The following HFM1 variants were observed in gnomAD, a reference collection of about 807,000 sequenced individuals.
HFM1 encodes the protein helicase for meiosis 1, also known as probable ATP-dependent DNA helicase HFM1.
In HFM1, 169 loss-of-function variants were observed where a neutral mutation model predicts 192.1. That is an observed-to-expected ratio of 0.88 (90% confidence interval 0.78 to 1.00). The LOEUF is 1.00. Among genes scored for constraint, HFM1 ranks in the 50% least tolerant of loss-of-function variants. HFM1 has a pLI of 0.00. For missense variants in HFM1, 1,661 were observed against 1,668.0 expected, an observed-to-expected ratio of 1.00 and a Z score of 0.07; for synonymous variants, 525 against 537.8, an observed-to-expected ratio of 0.98 and a Z score of 0.33.
At chr1:91,308,274 C>T (rs1169886339) in intron 30 of HFM1, among the ~76,000 whole-genome samples, 2 of 151,978 alleles carry the variant, frequency 1.3e-5, no homozygotes, top group African/African-American at 4.8e-5. Flanking sequence ...TGTGTTCTTT[C>T]CATTCTCTTA....
chr1:91,297,757 A>G (rs1187653088), intron 30 of HFM1, among the ~76,000 whole-genome samples: 1 of 152,226 alleles, frequency 6.6e-6, no homozygotes, highest in Non-Finnish European at 1.5e-5. Context: ...AAACTAACAA[A>G]CAGAAAGGAC....
chr1:91,319,524 G>A, intron 23 of HFM1, 134 bp from the exon 24 acceptor site: 1 of 549,274 alleles, frequency 1.8e-6, no homozygotes, highest in Non-Finnish European at 3.2e-6. Context: ...TGATTATCTT[G>A]CATAATTATT....
At position 91,276,735 on chromosome 1, in the gene HFM1, CA is replaced by C. The variant is rs1354314510; in HGVS notation, c.3480del (p.Ile1160MetfsTer21). ...KHTCGHDCCK[I>X]GVAQKSEIKE... ...TTAATTTCTGACTTCTGTGCAACTCCAATTTTACCTATGAAAAGAAACTTCA... is the reference window on the plus strand; with the variant it reads ...TTAATTTCTGACTTCTGTGCAACTCCATTTTACCTATGAAAAGAAACTTCA... On this transcript the variant is annotated frameshift_variant, in exon 32 of 39. Transcript: ENST00000370425. LOFTEE classifies it high-confidence loss of function. 11 of 1,415,260 alleles carry C rather than the reference CA, an allele frequency of 7.8e-6. No individual in the cohort carries two copies. The highest frequency in any genetic ancestry group is 1.1e-5 in the Non-Finnish European group (11 of 1,047,114). 87.7% of individuals were successfully genotyped at this position (1,415,260 alleles called of 1,614,324 possible). A position where few individuals can be genotyped will look rare whatever the true frequency, so the allele number is the denominator to read the frequency against.
At chr1:91,290,355 G>C (rs535277559) in intron 30 of HFM1, among the ~76,000 whole-genome samples, 1 of 152,076 alleles carries the variant, frequency 6.6e-6, no homozygotes, top group Non-Finnish European at 1.5e-5. Flanking sequence ...GATGGAGGAA[G>C]ATCTACCAAG....
At chr1:91,304,449 G>A (rs1000172483) in intron 30 of HFM1, among the ~76,000 whole-genome samples, 9 of 75,098 alleles carry the variant, frequency 1.2e-4, no homozygotes, top group South Asian at 3.3e-4. Context: ...TTTCTTTTAA[G>A]AGTTTTATAG....
intron 3 of HFM1, among the ~76,000 whole-genome samples, chr1:91,395,362 G>A (rs1440255588): frequency 6.6e-6 from 1 of 152,100 alleles, no homozygotes; most frequent in Non-Finnish European, 1.5e-5. Context: ...TGTATTATGT[G>A]CATTTATGTA....
intron 13 of HFM1, among the ~76,000 whole-genome samples, chr1:91,358,040 A>C (rs1469684843): frequency 6.6e-6 from 1 of 152,188 alleles, no homozygotes; most frequent in Non-Finnish European, 1.5e-5. Flanking sequence ...CAGATTCAAT[A>C]CAATCCCTAT....
intron 18 of HFM1, among the ~76,000 whole-genome samples, chr1:91,348,428 T>C (rs1656436068): frequency 6.6e-6 from 1 of 152,164 alleles, no homozygotes; most frequent in African/African-American, 2.4e-5. Context: ...AATTTATAAA[T>C]GCATATATCC....
intron 30 of HFM1, among the ~76,000 whole-genome samples, chr1:91,298,012 C>A (rs1283934546): frequency 6.6e-6 from 1 of 151,972 alleles, no homozygotes; most frequent in African/African-American, 2.4e-5. Context: ...GAAGTTTGAA[C>A]CCATGGCAAA....
intron 13 of HFM1, among the ~76,000 whole-genome samples, chr1:91,356,131 A>C (rs1385227672): frequency 6.6e-6 from 1 of 152,194 alleles, no homozygotes; most frequent in Non-Finnish European, 1.5e-5. Context: ...GCTCCTAAAC[A>C]ATCAATGGTC....
intron 30 of HFM1, among the ~76,000 whole-genome samples, chr1:91,306,008 T>C (rs1649550054): frequency 6.6e-6 from 1 of 152,168 alleles, no homozygotes; most frequent in African/African-American, 2.4e-5. Context: ...GAGTATGACA[T>C]TTGCTATAGT....
At chr1:91,294,876 G>T (rs1361596465) in intron 30 of HFM1, among the ~76,000 whole-genome samples, 1 of 152,110 alleles carries the variant, frequency 6.6e-6, no homozygotes, top group African/African-American at 2.4e-5. Flanking sequence ...AAGCAGAATT[G>T]CTCTATCACA....
chr1:91,326,738 G>A (rs1364657654), intron 20 of HFM1, among the ~76,000 whole-genome samples: 1 of 150,900 alleles, frequency 6.6e-6, no homozygotes, highest in African/African-American at 2.4e-5. Flanking sequence ...CACTGTAATT[G>A]TGGTGTGTAA....
At chr1:91,396,488 T>C (rs948289686) in intron 2 of HFM1, 83 bp from the exon 3 acceptor site, 26 of 684,776 alleles carry the variant, frequency 3.8e-5, no homozygotes, top group South Asian at 1.2e-4. Context: ...CATTACTCAA[T>C]TGGACTCTTA....
At chr1:91,398,263 AT>A (rs1296776184) in intron 2 of HFM1, among the ~76,000 whole-genome samples, 1 of 152,016 alleles carries the variant, frequency 6.6e-6, no homozygotes, top group Non-Finnish European at 1.5e-5. Flanking sequence ...TAATTTCCCA[AT>A]TTTTTTCCAG....
At position 91,379,091 on chromosome 1, in the gene HFM1, T is replaced by C; in HGVS notation, c.1130A>G (p.Gln377Arg). 1 of 1,588,902 alleles carries C rather than the reference T, an allele frequency of 6.3e-7. No homozygotes were observed. The highest frequency in any genetic ancestry group is 8.6e-7 in the Non-Finnish European group (1 of 1,166,660). ...DTVMDDLFEI[Q>R]HAHIIMTTPE... ...AGTTGTCATAATAATATGGGCATGCTGAATCTCAAATAGATCATCCATTAC... is the reference window on the plus strand; with the variant it reads ...AGTTGTCATAATAATATGGGCATGCCGAATCTCAAATAGATCATCCATTAC... The change falls in exon 9 of 39, where the codon CAG becomes CGG. Residue 377 changes from glutamine to arginine, a missense_variant. Transcript: ENST00000370425.
chr1:91,373,550 G>A (rs1404287898), intron 13 of HFM1, among the ~76,000 whole-genome samples: 1 of 151,870 alleles, frequency 6.6e-6, no homozygotes, highest in African/African-American at 2.4e-5. Context: ...CCTGGTAGGA[G>A]GTGAATGGAT....
At chr1:91,299,778 C>G (rs929495028) in intron 30 of HFM1, among the ~76,000 whole-genome samples, 2 of 152,060 alleles carry the variant, frequency 1.3e-5, no homozygotes, top group Non-Finnish European at 2.9e-5. Context: ...GGGACACATT[C>G]AAAGCAGTGT....
chr1:91,304,633 A>ATTT (rs58215219), intron 30 of HFM1, among the ~76,000 whole-genome samples: 1 of 140,694 alleles, frequency 7.1e-6, no homozygotes, highest in Non-Finnish European at 1.5e-5. Flanking sequence ...CAGCCGGCTA[A>ATTT]TTTTTTTTTT....
Sources: allele counts gnomAD v4.1 joint callset (sites outside exome capture counted in the v4.1 genomes callset), GRCh38; gene constraint gnomAD v4.1.1; transcripts MANE v1.5; gene names NCBI Gene and HGNC (gene_info 2026-07-23, HGNC 2026-07-21).